Variants in DLG2 observed in about 807,000 individuals in gnomAD.
DLG2 encodes discs large MAGUK scaffold protein 2.
Under a neutral mutation model 132.5 loss-of-function variants are expected in DLG2, and 45 were observed. The ratio of observed to expected loss-of-function variants is 0.34; its 90% confidence interval spans 0.27 to 0.44. DLG2 has a LOEUF of 0.44. DLG2 is among the 20% of genes least tolerant of loss of function. The pLI is 1.00. For missense variants in DLG2, 1,045 were observed against 1,196.9 expected (o/e 0.87, Z 1.87); for synonymous variants, 424 against 419.6 (o/e 1.01, Z -0.13).
chr11:84,827,676 CAAAAAAAAAA>C lies in DLG2; in HGVS notation c.357+283975_357+283984del, dbSNP rs398016953. 2.1e-3 allele frequency among the ~76,000 whole-genome samples: 75 copies of C among 35,100 alleles called. No individual in the cohort carries two copies. In the East Asian group the frequency reaches 0.068, roughly 32 times the overall value. The allele number at this position is 35,100 out of a possible 152,430, so 23.0% of individuals were successfully genotyped here. On this transcript the variant is annotated intron_variant, in intron 6 of 27. Transcript: ENST00000376104. Reference sequence around the variant, plus strand: ...AAGGCTGGAACTGAGTACATACAGTCAAAAAAAAAAAAAAAAAAAAAAGCCCAGGTCAGAA... The same window carrying C: ...AAGGCTGGAACTGAGTACATACAGTCAAAAAAAAAAAAGCCCAGGTCAGAA...
intron 6 of DLG2, among the ~76,000 whole-genome samples, chr11:84,904,916 G>C (rs2154073077): frequency 6.6e-6 from 1 of 152,224 alleles, no homozygotes; most frequent in South Asian, 2.1e-4. Flanking sequence ...CAACTGGCTT[G>C]ACCTGAATTT....
chr11:85,601,994 A>T (rs115365760), intron 2 of DLG2, among the ~76,000 whole-genome samples: 1 of 152,092 alleles, frequency 6.6e-6, no homozygotes, highest in Non-Finnish European at 1.5e-5. Context: ...TCAGAACTTT[A>T]CTCTGAATTC....
intron 3 of DLG2, among the ~76,000 whole-genome samples, chr11:85,474,886 T>TCAATG (rs1167138430): frequency 1.3e-5 from 2 of 151,566 alleles, no homozygotes; most frequent in Non-Finnish European, 3.0e-5. Context: ...TTTATATCTT[T>TCAATG]CAATGCTTAC....
At chr11:85,613,439 T>A (rs954846552) in intron 2 of DLG2, among the ~76,000 whole-genome samples, 3 of 152,078 alleles carry the variant, frequency 2.0e-5, no homozygotes, top group East Asian at 3.9e-4. Context: ...CCGACAGCAA[T>A]TGGGGTGTCC....
At chr11:84,854,766 A>G (rs1043421831) in intron 6 of DLG2, among the ~76,000 whole-genome samples, 1 of 152,014 alleles carries the variant, frequency 6.6e-6, no homozygotes, top group Non-Finnish European at 1.5e-5. Flanking sequence ...ATTAAAGCCT[A>G]CTATAAATCC....
chr11:85,355,273 T>G (rs887719096), intron 3 of DLG2, among the ~76,000 whole-genome samples: 2 of 152,174 alleles, frequency 1.3e-5, no homozygotes, highest in African/African-American at 2.4e-5. Context: ...TTTATTGAAA[T>G]TAAATCAAAT....
At chr11:84,660,141 T>G (rs1192325556) in intron 6 of DLG2, among the ~76,000 whole-genome samples, 1 of 152,078 alleles carries the variant, frequency 6.6e-6, no homozygotes, top group Admixed American at 6.6e-5. Flanking sequence ...TGATACCACA[T>G]GATCCAAAAC....
Position 85,599,669 on chromosome 11 carries a change from C to T in DLG2, c.-92-881G>A, listed in dbSNP as rs867874933. 1.7e-4 allele frequency among the ~76,000 whole-genome samples: 26 copies of T among 152,178 alleles called. 1 individual carries two copies. Among genetic ancestry groups the T allele is most frequent in the Admixed American group, 1.7e-3 (26 of 15,274 alleles). On this transcript the variant is annotated intron_variant, in intron 2 of 27. Coordinates refer to ENST00000376104, the MANE Select transcript of DLG2 (RefSeq NM_001142699.3). Reference sequence around the variant, plus strand: ...ATCAAGTAAGTCAACTGAACACCTACTTTCTCTTCATTCAGATCTAACTCA... The same window carrying T: ...ATCAAGTAAGTCAACTGAACACCTATTTTCTCTTCATTCAGATCTAACTCA...
chr11:85,259,289 T>C (rs1373696251), intron 4 of DLG2, among the ~76,000 whole-genome samples: 1 of 152,132 alleles, frequency 6.6e-6, no homozygotes, highest in African/African-American at 2.4e-5. Context: ...GCTTCATCAT[T>C]TGAAGATGCA....
At chr11:84,970,627 C>A (rs932138987) in intron 6 of DLG2, among the ~76,000 whole-genome samples, 1 of 152,110 alleles carries the variant, frequency 6.6e-6, no homozygotes, top group Admixed American at 6.6e-5. Context: ...CCTCCATTTC[C>A]TAATAGCAAC....
Position 83,970,024 on chromosome 11 carries a change from C to G in DLG2, c.1057-4556G>C, listed in dbSNP as rs866668163. On this transcript the variant is annotated intron_variant, in intron 12 of 27. Coordinates refer to ENST00000376104, the MANE Select transcript of DLG2 (RefSeq NM_001142699.3). ...CTATACTGAGAGAACAGAAGAGAAACAGTATCTGGTGGCATAACACAGGGG... is the reference window on the plus strand; with the variant it reads ...CTATACTGAGAGAACAGAAGAGAAAGAGTATCTGGTGGCATAACACAGGGG... 4.0e-5 allele frequency among the ~76,000 whole-genome samples: 6 copies of G among 149,900 alleles called. No homozygotes were observed. In the South Asian group the frequency reaches 1.0e-3, roughly 26 times the overall value.
At chr11:84,233,282 G>T (rs941889796) in intron 8 of DLG2, among the ~76,000 whole-genome samples, 1 of 152,160 alleles carries the variant, frequency 6.6e-6, no homozygotes, top group African/African-American at 2.4e-5. Context: ...GAGGTAGAAA[G>T]AAATTGTTTA....
chr11:84,856,448 G>A (rs1379619499), intron 6 of DLG2, among the ~76,000 whole-genome samples: 1 of 152,032 alleles, frequency 6.6e-6, no homozygotes, highest in Admixed American at 6.6e-5. Context: ...TCTCTCTGAA[G>A]ATGACTCTGC....
At chr11:83,800,850 A>G (rs1003662922) in intron 17 of DLG2, among the ~76,000 whole-genome samples, 1 of 152,200 alleles carries the variant, frequency 6.6e-6, no homozygotes, top group Non-Finnish European at 1.5e-5. Context: ...AACTATCTTT[A>G]TAAGAATATA....
intron 4 of DLG2, among the ~76,000 whole-genome samples, chr11:85,156,905 G>A (rs2077627315): frequency 6.6e-6 from 1 of 152,158 alleles, no homozygotes; most frequent in African/African-American, 2.4e-5. Context: ...GGTTAATACT[G>A]AGTGTCAACT....
chr11:84,674,174 A>T (rs1288843866), intron 6 of DLG2, among the ~76,000 whole-genome samples: 1 of 152,162 alleles, frequency 6.6e-6, no homozygotes, highest in Admixed American at 6.6e-5. Context: ...ATTTTTCATG[A>T]AGACAACTAT....
At chr11:85,506,502 C>G (rs1253452366) in intron 3 of DLG2, among the ~76,000 whole-genome samples, 1 of 152,128 alleles carries the variant, frequency 6.6e-6, no homozygotes, top group Non-Finnish European at 1.5e-5. Flanking sequence ...GCAAGTTGTT[C>G]AGTTTCTGCC....
At chr11:83,968,897 G>A (rs1297326937) in intron 12 of DLG2, among the ~76,000 whole-genome samples, 1 of 152,206 alleles carries the variant, frequency 6.6e-6, no homozygotes, top group Non-Finnish European at 1.5e-5. Context: ...GACTCATGCA[G>A]AGAGGGAGAA....
intron 15 of DLG2, among the ~76,000 whole-genome samples, chr11:83,879,460 A>G (rs1414752400): frequency 2.6e-5 from 4 of 152,064 alleles, no homozygotes; most frequent in African/African-American, 7.2e-5. Context: ...GCATATTTGT[A>G]TCCATCATTT....
Sources: gnomAD v4.1 joint callset for allele counts (sites outside exome capture counted in the v4.1 genomes callset) on GRCh38, gnomAD v4.1.1 for gene constraint, MANE v1.5 for transcripts, NCBI Gene and HGNC (gene_info 2026-07-23, HGNC 2026-07-21) for gene names.